The following ALDH1A2 variants were observed in gnomAD, a reference collection of about 807,000 sequenced individuals.
ALDH1A2 encodes retinal dehydrogenase 2.
ALDH1A2 carries 27 observed loss-of-function variants against 60.3 expected under a neutral mutation model. That is an observed-to-expected ratio of 0.45 (90% CI 0.33 to 0.62). The LOEUF (loss-of-function observed/expected upper bound fraction) is 0.62. ALDH1A2 is among the 20% of genes least tolerant of loss of function. ALDH1A2 has a pLI of 0.02. For synonymous variants in ALDH1A2, 289 were observed against 232.4 expected, an observed-to-expected ratio of 1.24 and a Z score of -2.21; for missense variants, 581 against 643.8, an observed-to-expected ratio of 0.90 and a Z score of 1.06.
At chr15:58,038,343 A>T (rs556571797) in intron 1 of ALDH1A2, among the ~76,000 whole-genome samples, 1 of 151,812 alleles carries the variant, frequency 6.6e-6, no homozygotes, top group South Asian at 2.1e-4. Context: ...GGATAAGGAT[A>T]TTTCTGTGCC....
chr15:57,957,637 C>T (rs1242580859), intron 12 of ALDH1A2, among the ~76,000 whole-genome samples: 1 of 152,104 alleles, frequency 6.6e-6, no homozygotes, highest in African/African-American at 2.4e-5. Flanking sequence ...GACGAAACAG[C>T]AAGGCAAAAT....
chr15:57,992,741 A>T lies in ALDH1A2; in HGVS notation c.762T>A (p.Ile254=). 1.2e-6 allele frequency: 2 copies of T among 1,614,192 alleles called. No homozygotes were observed. Among genetic ancestry groups the T allele is most frequent in the Non-Finnish European group, 1.7e-6 (2 of 1,180,004 alleles). Residue 254 remains isoleucine, a synonymous_variant, in exon 7 of 13, where the codon ATT becomes ATA. Transcript: ENST00000249750. ...PTAGAAIASH[I]GIDKIAFTGS... ...CTGTGAATGCAATCTTGTCTATGCCAATGTGAGAAGCTATTGCTGCCCCAG... is the reference window on the plus strand; with the variant it reads ...CTGTGAATGCAATCTTGTCTATGCCTATGTGAGAAGCTATTGCTGCCCCAG...
At chr15:58,020,453 G>A (rs1014377369) in intron 1 of ALDH1A2, among the ~76,000 whole-genome samples, 1 of 152,074 alleles carries the variant, frequency 6.6e-6, no homozygotes, top group African/African-American at 2.4e-5. Flanking sequence ...ACTGAAGAAC[G>A]AGGAGAATAT....
intron 1 of ALDH1A2, among the ~76,000 whole-genome samples, chr15:58,058,619 G>A (rs1896952727): frequency 6.6e-6 from 1 of 152,002 alleles, no homozygotes; most frequent in Admixed American, 6.6e-5. Context: ...AGAGTTTTCA[G>A]ATTCATGATA....
chr15:58,013,024 A>G (rs570802806), intron 3 of ALDH1A2, among the ~76,000 whole-genome samples: 1 of 152,340 alleles, frequency 6.6e-6, no homozygotes, highest in African/African-American at 2.4e-5. Context: ...TAAAAACAGC[A>G]ACAACAACAA....
chr15:57,985,148 A>T (rs145899177), intron 7 of ALDH1A2, among the ~76,000 whole-genome samples: 19 of 152,150 alleles, frequency 1.2e-4, no homozygotes, highest in African/African-American at 4.1e-4. Flanking sequence ...ATTATTTCCA[A>T]TGCCTTGATG....
chr15:58,049,120 A>T (rs922556249), intron 1 of ALDH1A2, among the ~76,000 whole-genome samples: 6 of 152,114 alleles, frequency 3.9e-5, no homozygotes, highest in African/African-American at 1.4e-4. Context: ...TTTACAATTT[A>T]TCCATGTTGT....
chr15:57,969,117 C>G (rs1893984266), intron 7 of ALDH1A2, among the ~76,000 whole-genome samples: 1 of 152,228 alleles, frequency 6.6e-6, no homozygotes, highest in Non-Finnish European at 1.5e-5. Context: ...CCACTTCCAT[C>G]TGGAGTGGCC....
In ALDH1A2 at chr15:57,978,034, A is replaced by G. The variant is rs568101905; in HGVS notation, c.799-12207T>C. ...TATAGGAATACTTGTGATTTTTGCA[A>G]TTGATTGTGTATCCTGAGACTTTAC... On this transcript the variant is annotated intron_variant, in intron 7 of 12. Transcript: ENST00000249750. 2.0e-5 allele frequency among the ~76,000 whole-genome samples: 3 copies of G among 152,252 alleles called. No individual in the cohort carries two copies. In the East Asian group the frequency reaches 5.8e-4, roughly 29 times the overall value.
Position 58,065,234 on chromosome 15 carries a change from G to C in ALDH1A2, c.117+300C>G, listed in dbSNP as rs541270990. 169 of 409,540 alleles carry C rather than the reference G, an allele frequency of 4.1e-4. 3 individuals are homozygous for C. Among genetic ancestry groups the C allele is most frequent in the South Asian group, 3.6e-3 (167 of 46,188 alleles). 25.4% of individuals were successfully genotyped at this position (409,540 alleles called of 1,614,324 possible). On this transcript the variant is annotated intron_variant, in intron 1 of 12. Transcript: ENST00000249750. ...TCCGACGCCTTCCCCCGCGGCAGTCGGGACCGGGAGAATCGGACAGAAACC... is the reference window on the plus strand; with the variant it reads ...TCCGACGCCTTCCCCCGCGGCAGTCCGGACCGGGAGAATCGGACAGAAACC...
At chr15:58,055,468 G>T (rs1896872597) in intron 1 of ALDH1A2, among the ~76,000 whole-genome samples, 1 of 151,970 alleles carries the variant, frequency 6.6e-6, no homozygotes, top group African/African-American at 2.4e-5. Flanking sequence ...GTACAGTTTA[G>T]AAGTAGGGAG....
At chr15:58,052,560 T>C (rs1896803280) in intron 1 of ALDH1A2, among the ~76,000 whole-genome samples, 1 of 152,024 alleles carries the variant, frequency 6.6e-6, no homozygotes, top group Admixed American at 6.6e-5. Flanking sequence ...CTGCTTCCTG[T>C]TACCAGGAAA....
At chr15:57,959,828 A>G (rs1471371913) in intron 12 of ALDH1A2, among the ~76,000 whole-genome samples, 9 of 152,184 alleles carry the variant, frequency 5.9e-5, no homozygotes, top group African/African-American at 2.2e-4. Context: ...GCTTGAAATT[A>G]CCAGTGAAAC....
At chr15:57,965,001 A>G (rs4646622) in intron 8 of ALDH1A2, among the ~76,000 whole-genome samples, 54,496 of 151,490 alleles carry the variant, frequency 0.36, 10,666 homozygotes, top group Non-Finnish European at 0.46. Flanking sequence ...TCTGCCTGGC[A>G]ACAAGTGGAG....
At chr15:57,968,985 C>T (rs1893979395) in intron 7 of ALDH1A2, among the ~76,000 whole-genome samples, 1 of 136,320 alleles carries the variant, frequency 7.3e-6, no homozygotes, top group Non-Finnish European at 1.7e-5. Context: ...GTGCGCTGCA[C>T]CCACTAACTC....
chr15:58,022,890 G>A (rs1895970684), intron 1 of ALDH1A2, among the ~76,000 whole-genome samples: 2 of 151,982 alleles, frequency 1.3e-5, no homozygotes, highest in African/African-American at 4.8e-5. Flanking sequence ...TTCAAAAATA[G>A]GAAGAACCAA....
chr15:58,009,307 C>A (rs1191179529), intron 4 of ALDH1A2, among the ~76,000 whole-genome samples: 7 of 151,932 alleles, frequency 4.6e-5, no homozygotes, highest in African/African-American at 1.7e-4. Flanking sequence ...AGGCCCCACC[C>A]CAGACTTATT....
At chr15:58,019,244 G>C (rs1041400904) in intron 1 of ALDH1A2, among the ~76,000 whole-genome samples, 1 of 151,542 alleles carries the variant, frequency 6.6e-6, no homozygotes, top group Non-Finnish European at 1.5e-5. Flanking sequence ...ACGAAGAAAC[G>C]AGGATTCAAC....
chr15:57,995,055 G>C, intron 5 of ALDH1A2, 23 bp downstream of exon 5: 1 of 1,592,948 alleles, frequency 6.3e-7, no homozygotes, highest in Non-Finnish European at 8.6e-7. Flanking sequence ...AAATAAATAC[G>C]AGGTGCGAGG....
Sources: gnomAD v4.1 joint callset for allele counts (sites outside exome capture counted in the v4.1 genomes callset) on GRCh38, gnomAD v4.1.1 for gene constraint, MANE v1.5 for transcripts, NCBI Gene and HGNC (gene_info 2026-07-23, HGNC 2026-07-21) for gene names.